Variants in MAP2K1 observed in about 807,000 individuals in gnomAD.
MAP2K1 encodes mitogen-activated protein kinase kinase 1.
A neutral mutation model predicts 46.3 loss-of-function variants in MAP2K1; 16 were observed. That is an observed-to-expected ratio of 0.35 (90% CI 0.23 to 0.52). The LOEUF is 0.52. Ranked by LOEUF, MAP2K1 falls within the 20% of genes least tolerant of loss-of-function variation. MAP2K1 has a pLI of 0.94. For missense variants in MAP2K1, 263 were observed against 497.1 expected, an observed-to-expected ratio of 0.53 and a Z score of 4.48; for synonymous variants, 183 against 185.6, an observed-to-expected ratio of 0.99 and a Z score of 0.11.
chr15:66,477,951 A>G (rs1232951783), intron 5 of MAP2K1, among the ~76,000 whole-genome samples: 1 of 152,128 alleles, frequency 6.6e-6, no homozygotes, highest in East Asian at 1.9e-4. Flanking sequence ...CTGAGGGGCC[A>G]TGGGCATGGT....
rs142169839 is a variant in MAP2K1 at position 66,423,604 on chromosome 15, ATTTTTT to A, written c.81-11408_81-11403del. On this transcript the variant is annotated intron_variant, in intron 1 of 10. Transcript: ENST00000307102. ...AGGTGCCTGCCACCATGCCAGGCTAATTTTTTTTTTTTTTTTTTTTGAGATGGAGTT... is the reference window on the plus strand; with the variant it reads ...AGGTGCCTGCCACCATGCCAGGCTAATTTTTTTTTTTTTTGAGATGGAGTT... Among the ~76,000 whole-genome samples, 242 of 113,138 alleles carry A rather than the reference ATTTTTT, an allele frequency of 2.1e-3. 1 individual carries two copies. Among genetic ancestry groups the A allele is most frequent in the Middle Eastern group, 9.7e-3 (2 of 206 alleles). The allele number at this position is 113,138 out of a possible 152,430, so 74.2% of individuals were successfully genotyped here. A position where few individuals can be genotyped will look rare whatever the true frequency, so the allele number is the denominator to read the frequency against.
chr15:66,485,878 C>A (rs1188102857), intron 7 of MAP2K1, among the ~76,000 whole-genome samples: 1 of 152,058 alleles, frequency 6.6e-6, no homozygotes. Flanking sequence ...CCATGACTGG[C>A]TTCTAATTTG....
rs1021498748 is a variant in MAP2K1, at chr15:66,390,991, C to T, written c.80+3564C>T. On this transcript the variant is annotated intron_variant, in intron 1 of 10. Coordinates refer to ENST00000307102, the MANE Select transcript of MAP2K1 (RefSeq NM_002755.4). ...CACCTATTTGCCTAAATGTCACTTC[C>T]TCTGAGATGTTTATAAGCATCTCAG... is the stretch of plus-strand genomic sequence containing the variant. 1.6e-4 allele frequency among the ~76,000 whole-genome samples: 25 copies of T among 152,138 alleles called. No individual in the cohort carries two copies. The East Asian group carries it at 4.8e-3, about 29-fold the overall frequency.
chr15:66,394,143 A>C (rs2093362450), intron 1 of MAP2K1, among the ~76,000 whole-genome samples: 1 of 152,222 alleles, frequency 6.6e-6, no homozygotes, highest in Admixed American at 6.5e-5. Context: ...ACCTCAGAGG[A>C]ATACCTTTGA....
At chr15:66,448,811 G>A (rs1471136747) in intron 5 of MAP2K1, among the ~76,000 whole-genome samples, 1 of 151,974 alleles carries the variant, frequency 6.6e-6, no homozygotes, top group Non-Finnish European at 1.5e-5. Context: ...AGACCAGCCT[G>A]GCCAACATGG....
At chr15:66,435,627 C>T (rs71398265) in intron 2 of MAP2K1, among the ~76,000 whole-genome samples, 7 of 152,018 alleles carry the variant, frequency 4.6e-5, no homozygotes, top group East Asian at 1.9e-4. Context: ...TGTGCCCAGC[C>T]GTGCTGTTTG....
At chr15:66,408,597 A>G (rs951591332) in intron 1 of MAP2K1, among the ~76,000 whole-genome samples, 11 of 151,850 alleles carry the variant, frequency 7.2e-5, no homozygotes, top group African/African-American at 2.7e-4. Flanking sequence ...TTAATTTGGG[A>G]TGGGTAGTCA....
At chr15:66,425,905 A>C (rs899547257) in intron 1 of MAP2K1, among the ~76,000 whole-genome samples, 1 of 152,250 alleles carries the variant, frequency 6.6e-6, no homozygotes. Context: ...TCTTGGATCC[A>C]CATTTCAGTC....
intron 8 of MAP2K1, among the ~76,000 whole-genome samples, chr15:66,488,373 G>T (rs1893121814): frequency 6.6e-6 from 1 of 152,184 alleles, no homozygotes; most frequent in Admixed American, 6.5e-5. Context: ...TGGGCTTTGT[G>T]GTGGGGATCA....
At chr15:66,461,157 G>T (rs1449411971) in intron 5 of MAP2K1, among the ~76,000 whole-genome samples, 1 of 152,096 alleles carries the variant, frequency 6.6e-6, no homozygotes, top group Non-Finnish European at 1.5e-5. Flanking sequence ...ACTACCCAAA[G>T]CAAGATGGAA....
intron 1 of MAP2K1, among the ~76,000 whole-genome samples, chr15:66,425,893 A>G (rs1009149475): frequency 3.9e-5 from 6 of 152,236 alleles, no homozygotes; most frequent in African/African-American, 1.4e-4. Context: ...TTTGGCTAAC[A>G]ATCTTGGATC....
intron 5 of MAP2K1, among the ~76,000 whole-genome samples, chr15:66,461,752 G>A (rs1390285571): frequency 6.6e-6 from 1 of 152,100 alleles, no homozygotes; most frequent in Non-Finnish European, 1.5e-5. Context: ...TACCCACCAA[G>A]TGACCTCCGA....
intron 5 of MAP2K1, among the ~76,000 whole-genome samples, chr15:66,474,255 C>T (rs1892705921): frequency 6.6e-6 from 1 of 152,104 alleles, no homozygotes; most frequent in African/African-American, 2.4e-5. Flanking sequence ...AAAATAGTTG[C>T]TTGTTAGGAC....
chr15:66,489,506 AGGG>A lies in MAP2K1; in HGVS notation c.1023-211_1023-209del. 4 of 667,184 alleles carry A rather than the reference AGGG, an allele frequency of 6.0e-6. No individual in the cohort carries two copies. In the Middle Eastern group the frequency reaches 1.2e-3, roughly 198 times the overall value. 41.3% of individuals were successfully genotyped at this position (667,184 alleles called of 1,614,324 possible). A position where few individuals can be genotyped will look rare whatever the true frequency, so the allele number is the denominator to read the frequency against. On this transcript the variant is annotated intron_variant, in intron 9 of 10. Coordinates refer to ENST00000307102, the MANE Select transcript of MAP2K1 (RefSeq NM_002755.4). ...CTGCTCCTTTTGGTACTTGCTCTCC[AGGG>A]ATTGGCACGTTGCTTTTTGACCTTA... is the stretch of plus-strand genomic sequence containing the variant.
intron 5 of MAP2K1, among the ~76,000 whole-genome samples, chr15:66,448,686 G>A (rs1891944780): frequency 6.6e-6 from 1 of 152,004 alleles, no homozygotes; most frequent in Non-Finnish European, 1.5e-5. Context: ...TTCAACCTGG[G>A]CCACCAAACT....
rs963346624 is a variant in MAP2K1, at chr15:66,400,994, A to C, written c.80+13567A>C. On this transcript the variant is annotated intron_variant, in intron 1 of 10. Transcript: ENST00000307102. ...AAAACCTATAGACATTACATTCTCCAGTTTAACTGTGTTTATTCCATTGTA... is the reference window on the plus strand; with the variant it reads ...AAAACCTATAGACATTACATTCTCCCGTTTAACTGTGTTTATTCCATTGTA... Among the ~76,000 whole-genome samples the C allele has an allele frequency of 7.2e-5, 11 of 152,218 alleles. 1 individual carries two copies. Among genetic ancestry groups the C allele is most frequent in the Admixed American group, 7.2e-4 (11 of 15,278 alleles).
At chr15:66,445,795 G>A (rs1037260509) in intron 5 of MAP2K1, among the ~76,000 whole-genome samples, 4 of 152,044 alleles carry the variant, frequency 2.6e-5, no homozygotes, top group Non-Finnish European at 5.9e-5. Flanking sequence ...AAGTAGATCA[G>A]TGGTTGCCTT....
chr15:66,432,669 G>C (rs1220304500), intron 1 of MAP2K1, among the ~76,000 whole-genome samples: 1 of 152,196 alleles, frequency 6.6e-6, no homozygotes, highest in Non-Finnish European at 1.5e-5. Flanking sequence ...ATGTTTGTCA[G>C]TTGCCTCCCT....
chr15:66,466,620 C>T (rs1370787409), intron 5 of MAP2K1, among the ~76,000 whole-genome samples: 1 of 152,074 alleles, frequency 6.6e-6, no homozygotes, highest in Non-Finnish European at 1.5e-5. Context: ...GTGGAGGTTG[C>T]AATGAGCTGA....
Sources: allele counts gnomAD v4.1 joint callset (sites outside exome capture counted in the v4.1 genomes callset), GRCh38; gene constraint gnomAD v4.1.1; transcripts MANE v1.5; gene names NCBI Gene and HGNC (gene_info 2026-07-23, HGNC 2026-07-21).